Variants in PHEX observed in about 807,000 individuals in gnomAD.
PHEX encodes the protein phosphate-regulating neutral endopeptidase PHEX.
Under a neutral mutation model 68.0 loss-of-function variants are expected in PHEX, and 16 were observed. The observed-to-expected ratio is 0.24, with a 90% CI of 0.16 to 0.36. PHEX has a LOEUF of 0.36. Ranked by LOEUF, PHEX falls within the 10% of genes least tolerant of loss-of-function variation. PHEX has a pLI of 1.00. For synonymous variants in PHEX, 208 were observed against 205.1 expected (o/e 1.01, Z -0.12); for missense variants, 480 against 575.5 (o/e 0.83, Z 1.70).
intron 13 of PHEX, chrX:22,172,344 G>C (rs1305601053): frequency 8.9e-6 from 1 of 111,809 alleles, no homozygotes; most frequent in Non-Finnish European, 1.9e-5. Context: ...AAGCACACTA[G>C]GTATTTTAAA....
rs1374349647 is a variant in PHEX, at chrX:22,190,486, A to G, written c.1629A>G (p.Ala543=). 1.7e-6 allele frequency: 2 copies of G among 1,193,954 alleles called. No individual in the cohort carries two copies. Among genetic ancestry groups the G allele is most frequent in the Non-Finnish European group, 2.3e-6 (2 of 878,937 alleles). ...CGACTGTCAATGCCTTCTACAGTGC[A>G]TCCACCAACCAGATCCGTGAGTACG... ...NPTTVNAFYS[A]STNQIRFPAG... The change falls in exon 15 of 22, where the codon GCA becomes GCG. Residue 543 remains alanine, a synonymous_variant. Transcript: ENST00000379374.
intron 2 of PHEX, among the ~76,000 whole-genome samples, chrX:22,046,726 CT>C (rs1927550826): frequency 9.1e-6 from 1 of 110,212 alleles, no homozygotes; most frequent in Admixed American, 9.8e-5. Context: ...ATCACCATAT[CT>C]GGCTAATTTT....
At chrX:22,245,202 T>C in intron 20 of PHEX, 131 bp from the exon 21 acceptor site, 1 of 574,765 alleles carries the variant, frequency 1.7e-6, no homozygotes, top group South Asian at 2.2e-5. Flanking sequence ...ACGGTTTTAT[T>C]TGATCTTCTA....
At chrX:22,192,907 G>A (rs189793700) in intron 15 of PHEX, among the ~76,000 whole-genome samples, 28 of 111,099 alleles carry the variant, frequency 2.5e-4, no homozygotes, top group African/African-American at 8.8e-4. Context: ...TGTTAGGAAT[G>A]GCAGTTTCTG....
chrX:22,220,303 G>A (rs1569431604), intron 17 of PHEX, among the ~76,000 whole-genome samples: 1 of 111,242 alleles, frequency 9.0e-6, no homozygotes, highest in Non-Finnish European at 1.9e-5. Context: ...AGACACTTAG[G>A]CTCTTCTAGA....
chrX:22,080,828 G>A (rs1929359410), intron 5 of PHEX, among the ~76,000 whole-genome samples: 1 of 111,673 alleles, frequency 9.0e-6, no homozygotes, highest in Non-Finnish European at 1.9e-5. Context: ...ACTTCACCTC[G>A]CTGATTTCAC....
chrX:22,178,569 C>T (rs1191164364), intron 14 of PHEX, among the ~76,000 whole-genome samples, 193 bp downstream of exon 14: 1 of 111,535 alleles, frequency 9.0e-6, no homozygotes, highest in Admixed American at 9.5e-5. Flanking sequence ...AGTCTAATTA[C>T]AGGTCCCCCA....
At chrX:22,082,094 G>A (rs1929416709) in intron 5 of PHEX, among the ~76,000 whole-genome samples, 1 of 111,701 alleles carries the variant, frequency 9.0e-6, no homozygotes, top group Non-Finnish European at 1.9e-5. Flanking sequence ...TTTTTCTCAG[G>A]AACTGACAGA....
At chrX:22,124,082 C>T (rs1006273833) in intron 11 of PHEX, among the ~76,000 whole-genome samples, 11 of 110,753 alleles carry the variant, frequency 9.9e-5, no homozygotes, top group Non-Finnish European at 1.5e-4. Context: ...CTGCCCTCCT[C>T]AGCGTCCCAA....
intron 15 of PHEX, among the ~76,000 whole-genome samples, chrX:22,191,219 G>A (rs1398499949): frequency 9.0e-6 from 1 of 110,895 alleles, no homozygotes; most frequent in African/African-American, 3.3e-5. Flanking sequence ...GCAGAGATGG[G>A]GTTTTGACAT....
chrX:22,240,581 C>CAA (rs755236973), intron 20 of PHEX, among the ~76,000 whole-genome samples: 264 of 103,471 alleles, frequency 2.6e-3, no homozygotes, highest in African/African-American at 6.1e-3. Context: ...CAAAAACAAA[C>CAA]AAAAAAAAAA....
chrX:22,038,144 A>G (rs1927107873), intron 1 of PHEX, among the ~76,000 whole-genome samples: 2 of 110,436 alleles, frequency 1.8e-5, no homozygotes, highest in Admixed American at 9.6e-5. Context: ...AAGATCTTGG[A>G]GTGGCTTTCT....
At chrX:22,195,979 C>T (rs1934355625) in intron 15 of PHEX, among the ~76,000 whole-genome samples, 1 of 111,451 alleles carries the variant, frequency 9.0e-6, no homozygotes, top group African/African-American at 3.3e-5. Flanking sequence ...GAGTTCGAGA[C>T]TAGCCTGGGC....
At chrX:22,108,215 T>C (rs1023273603) in intron 9 of PHEX, among the ~76,000 whole-genome samples, 1 of 111,763 alleles carries the variant, frequency 8.9e-6, no homozygotes, top group Middle Eastern at 4.6e-3. Context: ...ATTAGTGCAG[T>C]GGTGTCTTAG....
At chrX:22,220,053 T>C (rs1935221484) in intron 17 of PHEX, among the ~76,000 whole-genome samples, 1 of 112,345 alleles carries the variant, frequency 8.9e-6, no homozygotes. Flanking sequence ...TTGAGAGTCC[T>C]CATCATCATT....
chrX:22,247,789 T>C, intron 21 of PHEX, 62 bp from the exon 22 acceptor site: 2 of 807,356 alleles, frequency 2.5e-6, no homozygotes, highest in Non-Finnish European at 3.8e-6. Flanking sequence ...GCTACAGTTT[T>C]ATACAGAACC....
At chrX:22,185,760 T>G (rs1196461590) in intron 14 of PHEX, among the ~76,000 whole-genome samples, 1 of 68,202 alleles carries the variant, frequency 1.5e-5, no homozygotes, top group Non-Finnish European at 3.3e-5. Flanking sequence ...TTTGTGGTTT[T>G]TTTTTTTTTT....
At chrX:22,065,173 A>G (rs1928538712) in intron 3 of PHEX, among the ~76,000 whole-genome samples, 1 of 112,449 alleles carries the variant, frequency 8.9e-6, no homozygotes, top group Admixed American at 9.5e-5. Context: ...TTTTTAAAAC[A>G]TTCATGAACC....
At chrX:22,140,980 C>T (rs1932434424) in intron 12 of PHEX, among the ~76,000 whole-genome samples, 1 of 108,597 alleles carries the variant, frequency 9.2e-6, no homozygotes, top group Non-Finnish European at 1.9e-5. Flanking sequence ...CACACTTACC[C>T]AAGGTCACAC....
Sources: gnomAD v4.1 joint callset for allele counts (sites outside exome capture counted in the v4.1 genomes callset) on GRCh38, gnomAD v4.1.1 for gene constraint, MANE v1.5 for transcripts, NCBI Gene and HGNC (gene_info 2026-07-23, HGNC 2026-07-21) for gene names.